Variants in HYDIN observed in about 807,000 individuals in gnomAD.
The protein encoded by HYDIN is axonemal central pair apparatus protein HYDIN.
HYDIN carries 132 observed loss-of-function variants against 403.9 expected under a neutral mutation model. The observed-to-expected ratio is 0.33, with a 90% CI of 0.28 to 0.38. HYDIN has a LOEUF of 0.38. Among genes scored for constraint, HYDIN ranks in the 10% least tolerant of loss-of-function variants. The pLI is 1.00. For missense variants in HYDIN, 2,827 were observed against 5,009.5 expected (o/e 0.56, Z 13.15); for synonymous variants, 1,202 against 1,891.7 (o/e 0.64, Z 9.46).
chr16:71,208,342 G>C (rs1436491839), intron 1 of HYDIN, among the ~76,000 whole-genome samples: 1 of 152,090 alleles, frequency 6.6e-6, no homozygotes, highest in African/African-American at 2.4e-5. Flanking sequence ...ATGAAATCAA[G>C]AAGTTATTTG....
intron 18 of HYDIN, among the ~76,000 whole-genome samples, chr16:71,057,276 C>A (rs71212570): frequency 0.32 from 45,115 of 141,254 alleles, 5,805 homozygotes; most frequent in Non-Finnish European, 0.41. Context: ...TACATGAGAT[C>A]CACACAGTGC....
At position 70,808,153 on chromosome 16, in the gene HYDIN, A is replaced by T. The variant is rs567031890; in HGVS notation, c.14884-91T>A. 1.9e-4 allele frequency: 273 copies of T among 1,406,250 alleles called. 1 individual carries two copies. The African/African-American group carries it at 3.6e-3, about 18-fold the overall frequency. The allele number at this position is 1,406,250 out of a possible 1,614,324, so 87.1% of individuals were successfully genotyped here. ...TACCCCAGCCCCTCCACTCCTGGAC[A>T]TCAAGCAACTATGTCTGTGTGAGAC... On this transcript the variant is annotated intron_variant, in intron 85 of 85. Coordinates refer to ENST00000393567, the MANE Select transcript of HYDIN (RefSeq NM_001270974.2).
chr16:71,175,869 A>G lies in HYDIN; in HGVS notation c.382-128T>C, dbSNP rs780292677. 20 of 835,340 alleles carry G rather than the reference A, an allele frequency of 2.4e-5. No homozygotes were observed. In the South Asian group the frequency reaches 2.6e-4, roughly 11 times the overall value. 51.7% of individuals were successfully genotyped at this position (835,340 alleles called of 1,614,324 possible). On this transcript the variant is annotated intron_variant, in intron 4 of 85. Transcript: ENST00000393567. ...GGTCTGAACTTCAGTCTTCTCAACTATAAAAGGAGATGATAGTACTTATCT... is the reference window on the plus strand; with the variant it reads ...GGTCTGAACTTCAGTCTTCTCAACTGTAAAAGGAGATGATAGTACTTATCT...
At chr16:70,927,742 A>G (rs967794771) in intron 45 of HYDIN, among the ~76,000 whole-genome samples, 5 of 152,264 alleles carry the variant, frequency 3.3e-5, no homozygotes, top group Non-Finnish European at 7.3e-5. Flanking sequence ...AGGCTAACAC[A>G]GAAGGAGCAC....
intron 2 of HYDIN, among the ~76,000 whole-genome samples, chr16:71,185,356 C>T (rs1386968986): frequency 6.6e-6 from 1 of 152,178 alleles, no homozygotes; most frequent in Non-Finnish European, 1.5e-5. Flanking sequence ...TGTAAAGTCA[C>T]TCAAGGGCTT....
chr16:71,051,952 C>T (rs1281248430), intron 18 of HYDIN, among the ~76,000 whole-genome samples: 1 of 151,976 alleles, frequency 6.6e-6, no homozygotes, highest in Non-Finnish European at 1.5e-5. Context: ...GTACCATTCA[C>T]CAAAAGGAAC....
chr16:71,178,453 G>GTATATATATATATATATATATATATATT (rs1414298629), intron 4 of HYDIN, among the ~76,000 whole-genome samples: 1 of 131,066 alleles, frequency 7.6e-6, no homozygotes. Flanking sequence ...ATATATATAT[G>GTATATATATATATATATATATATATATT]TATATATATA....
At chr16:71,225,172 G>A (rs2040978314) in intron 1 of HYDIN, among the ~76,000 whole-genome samples, 3 of 152,216 alleles carry the variant, frequency 2.0e-5, no homozygotes, top group South Asian at 2.1e-4. Flanking sequence ...GAGAAAGAGT[G>A]TAGGGTTCTC....
In HYDIN at chr16:71,184,855, G is replaced by C; in HGVS notation, c.261+10C>G. On this transcript the variant is annotated intron_variant, in intron 3 of 85. Coordinates refer to ENST00000393567, the MANE Select transcript of HYDIN (RefSeq NM_001270974.2). ...CCACTTTATATGTAAGTACGACAGA[G>C]AGCAGCTACCTTCTGATGTGTTGTT... 1 of 1,595,448 alleles carries C rather than the reference G, an allele frequency of 6.3e-7. No individual in the cohort carries two copies. Among genetic ancestry groups the C allele is most frequent in the Non-Finnish European group, 8.6e-7 (1 of 1,168,456 alleles).
At chr16:71,026,679 G>A (rs1222585662) in intron 20 of HYDIN, among the ~76,000 whole-genome samples, 1 of 152,234 alleles carries the variant, frequency 6.6e-6, no homozygotes, top group Non-Finnish European at 1.5e-5. Context: ...CACAATGAGA[G>A]ATAACCTCCC....
At chr16:70,835,389 C>T (rs2037356258) in intron 78 of HYDIN, among the ~76,000 whole-genome samples, 1 of 152,012 alleles carries the variant, frequency 6.6e-6, no homozygotes, top group African/African-American at 2.4e-5. Flanking sequence ...GCTGTCTACA[C>T]AACGGAGATG....
intron 23 of HYDIN, 98 bp from the exon 24 acceptor site, chr16:70,992,308 A>C: frequency 6.8e-7 from 1 of 1,473,650 alleles, no homozygotes; most frequent in South Asian, 1.5e-5. Flanking sequence ...CCAAACTCCA[A>C]ATCCTAGACC....
intron 6 of HYDIN, among the ~76,000 whole-genome samples, chr16:71,154,154 G>T (rs1053935926): frequency 6.9e-6 from 1 of 144,906 alleles, no homozygotes; most frequent in African/African-American, 2.6e-5. Flanking sequence ...GCACTGGGTG[G>T]CATCTGAGAG....
intron 41 of HYDIN, among the ~76,000 whole-genome samples, chr16:70,949,351 T>C (rs1261987863): frequency 6.6e-6 from 1 of 150,934 alleles, no homozygotes; most frequent in East Asian, 2.0e-4. Context: ...GAGATATACC[T>C]AATGTTAGAG....
intron 6 of HYDIN, among the ~76,000 whole-genome samples, chr16:71,153,218 A>G (rs2085611375): frequency 6.6e-6 from 1 of 152,204 alleles, no homozygotes; most frequent in Non-Finnish European, 1.5e-5. Flanking sequence ...TCAAAGGGAT[A>G]AAAATCGAGT....
chr16:70,910,607 G>A (rs2076670237), intron 47 of HYDIN, among the ~76,000 whole-genome samples: 1 of 144,752 alleles, frequency 6.9e-6, no homozygotes, highest in Non-Finnish European at 1.5e-5. Context: ...GCAGTATCTA[G>A]ATCCAGATCT....
intron 59 of HYDIN, 100 bp downstream of exon 59, chr16:70,883,820 C>T (rs2040958144): frequency 7.0e-7 from 1 of 1,426,046 alleles, no homozygotes; most frequent in Admixed American, 1.9e-5. Context: ...ATCTGCCCGC[C>T]TTGGCCTCCC....
chr16:71,097,489 G>A (rs1488544090), intron 10 of HYDIN, among the ~76,000 whole-genome samples: 1 of 144,006 alleles, frequency 6.9e-6, no homozygotes, highest in Non-Finnish European at 1.5e-5. Context: ...GCTTTCCTAG[G>A]TGTTCTTAGA....
chr16:71,198,742 G>C (rs1374365693), intron 1 of HYDIN, among the ~76,000 whole-genome samples: 1 of 152,146 alleles, frequency 6.6e-6, no homozygotes, highest in African/African-American at 2.4e-5. Context: ...AATGAATCCT[G>C]GGTTTCTGGG....
Sources: allele counts gnomAD v4.1 joint callset (sites outside exome capture counted in the v4.1 genomes callset), GRCh38; gene constraint gnomAD v4.1.1; transcripts MANE v1.5; gene names NCBI Gene and HGNC (gene_info 2026-07-23, HGNC 2026-07-21).